The following HTT-AS variants were observed in gnomAD, a reference collection of about 807,000 sequenced individuals.
The protein encoded by HTT-AS is HTT antisense RNA, also known as HTT antisense RNA (head to head).
In HTT-AS at chr4:3,058,251, G is replaced by A. The variant is rs201634164; in HGVS notation, n.1380+4183C>T. Among the ~76,000 whole-genome samples the A allele has an allele frequency of 4.1e-4, 63 of 152,054 alleles. 1 individual carries two copies. The East Asian group carries it at 1.0e-2, about 24-fold the overall frequency. ...TGAGGCAGGAGAATCGCTTGAACCC[G>A]GGAAGCCGAGGTTGTGGTGAGCCGA... On this transcript the variant is annotated intron_variant and non_coding_transcript_variant, in intron 2 of 2. Transcript: ENST00000664062.
chr4:3,062,846 A>G (rs1283983128), exon 2 of HTT-AS, among the ~76,000 whole-genome samples: 1 of 152,054 alleles, frequency 6.6e-6, no homozygotes, highest in African/African-American at 2.4e-5. Flanking sequence ...CTTGAGGGCC[A>G]AGCAGCATTG....
intron 2 of HTT-AS, among the ~76,000 whole-genome samples, chr4:3,052,763 T>C (rs1421152668): frequency 1.3e-5 from 2 of 151,836 alleles, no homozygotes; most frequent in African/African-American, 4.8e-5. Context: ...CCGAGGTGGG[T>C]GGATTGCCTG....
intron 1 of HTT-AS, among the ~76,000 whole-genome samples, chr4:3,064,878 A>ATTAATG (rs1553908151): frequency 2.0e-5 from 3 of 152,210 alleles, no homozygotes; most frequent in African/African-American, 7.2e-5. Flanking sequence ...TTTTATGAAT[A>ATTAATG]CAAAACCCTT....
intron 2 of HTT-AS, among the ~76,000 whole-genome samples, chr4:3,049,927 C>CACAA (rs1553907269): frequency 2.7e-5 from 4 of 148,346 alleles, no homozygotes; most frequent in African/African-American, 1.0e-4. Flanking sequence ...CACACACACA[C>CACAA]ACACACACAC....
intron 1 of HTT-AS, among the ~76,000 whole-genome samples, chr4:3,065,736 G>C (rs973232056): frequency 6.6e-6 from 1 of 152,224 alleles, no homozygotes; most frequent in African/African-American, 2.4e-5. Context: ...CTACTGCAGA[G>C]CATCTGCTGT....
At chr4:3,049,976 A>C (rs555754589) in intron 2 of HTT-AS, among the ~76,000 whole-genome samples, 4 of 146,862 alleles carry the variant, frequency 2.7e-5, no homozygotes, top group Non-Finnish European at 4.5e-5. Flanking sequence ...TTGAGATGGA[A>C]TCTCTGTCAC....
At chr4:3,053,472 G>T (rs1309276554) in intron 2 of HTT-AS, among the ~76,000 whole-genome samples, 1 of 152,202 alleles carries the variant, frequency 6.6e-6, no homozygotes, top group Non-Finnish European at 1.5e-5. Flanking sequence ...GGTGGAGGTT[G>T]CCCTGAGCCA....
rs76257514 is a variant in HTT-AS, at chr4:3,064,989, A to C, written n.114-1289T>G. Among the ~76,000 whole-genome samples, 59 of 152,334 alleles carry C rather than the reference A, an allele frequency of 3.9e-4. No homozygotes were observed. In the East Asian group the frequency reaches 0.01, roughly 27 times the overall value. On this transcript the variant is annotated intron_variant and non_coding_transcript_variant, in intron 1 of 2. Coordinates refer to ENST00000664062, the Ensembl canonical transcript of HTT-AS. Reference sequence around the variant, plus strand: ...ATGCATGGATGGTTCAATACAAGGAAATTCAGTAACACAATATAATAGATC... The same window carrying C: ...ATGCATGGATGGTTCAATACAAGGACATTCAGTAACACAATATAATAGATC...
chr4:3,057,285 G>A (rs749174389), intron 2 of HTT-AS, among the ~76,000 whole-genome samples: 16 of 151,710 alleles, frequency 1.1e-4, no homozygotes, highest in Non-Finnish European at 2.2e-4. Context: ...TGCCCGCCTC[G>A]GCCTCCCAAA....
intron 2 of HTT-AS, among the ~76,000 whole-genome samples, chr4:3,058,532 T>A (rs1711853455): frequency 1.3e-5 from 2 of 152,068 alleles, no homozygotes; most frequent in Admixed American, 6.6e-5. Flanking sequence ...CTGCAACCTG[T>A]TTTATCAGTA....
At chr4:3,053,849 C>G (rs1460792087) in intron 2 of HTT-AS, among the ~76,000 whole-genome samples, 1 of 150,576 alleles carries the variant, frequency 6.6e-6, no homozygotes, top group Non-Finnish European at 1.5e-5. Flanking sequence ...ACGTCTGCCT[C>G]TCGGGGTTCA....
chr4:3,060,872 A>C (rs537510299), intron 2 of HTT-AS, among the ~76,000 whole-genome samples: 1 of 152,304 alleles, frequency 6.6e-6, no homozygotes, highest in Non-Finnish European at 1.5e-5. Flanking sequence ...TGCTATGTAA[A>C]CATTATGCCT....
At chr4:3,057,814 G>A (rs1379099003) in intron 2 of HTT-AS, among the ~76,000 whole-genome samples, 1 of 151,412 alleles carries the variant, frequency 6.6e-6, no homozygotes, top group Non-Finnish European at 1.5e-5. Context: ...TAGTAGAGAC[G>A]GGGTTTCACC....
intron 2 of HTT-AS, among the ~76,000 whole-genome samples, chr4:3,052,726 C>T (rs1274155903): frequency 3.3e-5 from 5 of 152,036 alleles, no homozygotes; most frequent in African/African-American, 4.8e-5. Flanking sequence ...TGGTGGCTCA[C>T]GCCTGTAATC....
chr4:3,062,579 G>A (rs1308024017), exon 2 of HTT-AS, among the ~76,000 whole-genome samples: 1 of 152,004 alleles, frequency 6.6e-6, no homozygotes, highest in African/African-American at 2.4e-5. Context: ...CATTCTCGAA[G>A]TCTCAAACTT....
At chr4:3,061,067 T>C (rs2471333) in intron 2 of HTT-AS, among the ~76,000 whole-genome samples, 7,384 of 152,254 alleles carry the variant, frequency 0.048, 391 homozygotes, top group African/African-American at 0.14. Flanking sequence ...CCCCACTCCG[T>C]GTGTATCTAT....
chr4:3,074,601 G>A (rs1472437798), upstream of HTT-AS: 5 of 393,420 alleles, frequency 1.3e-5, no homozygotes, highest in Non-Finnish European at 2.1e-5. Context: ...TGTCAATCAT[G>A]CTGGCCGGCG....
chr4:3,048,227 G>A (rs145704955), downstream of HTT-AS, among the ~76,000 whole-genome samples: 7 of 152,306 alleles, frequency 4.6e-5, no homozygotes, highest in East Asian at 5.8e-4. Context: ...CCCTACAGGC[G>A]AGAGTGTGAC....
At chr4:3,055,294 T>C (rs1434980748) in intron 2 of HTT-AS, among the ~76,000 whole-genome samples, 5 of 150,790 alleles carry the variant, frequency 3.3e-5, no homozygotes, top group African/African-American at 1.2e-4. Context: ...CGAGACTCCG[T>C]CTAAAAAAAA....
Sources: allele counts gnomAD v4.1 joint callset (sites outside exome capture counted in the v4.1 genomes callset), GRCh38; gene constraint gnomAD v4.1.1; transcripts MANE v1.5; gene names NCBI Gene and HGNC (gene_info 2026-07-23, HGNC 2026-07-21).